The following SLC12A7 variants were observed in gnomAD, a reference collection of about 807,000 sequenced individuals.
SLC12A7 encodes K-Cl cotransporter 4.
Under a neutral mutation model 120.6 loss-of-function variants are expected in SLC12A7, and 100 were observed. That is an observed-to-expected ratio of 0.83 (90% CI 0.71 to 0.98). The LOEUF is 0.98. Ranked by LOEUF, SLC12A7 falls within the 50% of genes least tolerant of loss-of-function variation. The pLI is 0.00. For synonymous variants in SLC12A7, 760 were observed against 678.0 expected (o/e 1.12, Z -1.88); for missense variants, 1,373 against 1,548.1 (o/e 0.89, Z 1.90).
At chr5:1,078,932 G>A (rs752623389) in intron 10 of SLC12A7, among the ~76,000 whole-genome samples, 174 bp from the exon 11 acceptor site, 6 of 152,092 alleles carry the variant, frequency 3.9e-5, no homozygotes, top group African/African-American at 7.2e-5. Context: ...CCTGTCCCCC[G>A]TGTCCTCAGC....
At chr5:1,120,854 G>A in the SLC12A7 span, among the ~76,000 whole-genome samples, 4 of 152,224 alleles carry the variant, frequency 2.6e-5, no homozygotes, top group Non-Finnish European at 5.9e-5. Context: ...CAGCACAGAC[G>A]GCAGTCCCTG....
intron 20 of SLC12A7, among the ~76,000 whole-genome samples, chr5:1,061,796 AAAG>A (rs140638857): frequency 0.4 from 56,973 of 143,038 alleles, 11,851 homozygotes; most frequent in Non-Finnish European, 0.49. Flanking sequence ...CTAAAAATAC[AAAG>A]AAAAAAAAAA....
At chr5:1,130,976 G>A in the SLC12A7 span, among the ~76,000 whole-genome samples, 1 of 152,156 alleles carries the variant, frequency 6.6e-6, no homozygotes, top group Non-Finnish European at 1.5e-5. Context: ...GAGGGCTGCT[G>A]GGGGCCCACC....
At chr5:1,125,099 A>C in the SLC12A7 span, among the ~76,000 whole-genome samples, 2 of 152,096 alleles carry the variant, frequency 1.3e-5, no homozygotes, top group African/African-American at 4.8e-5. Flanking sequence ...CCCGGCCCCT[A>C]CTCCACACCA....
In SLC12A7 at chr5:1,087,327, A is replaced by T. The variant is rs192458967; in HGVS notation, c.545-294T>A. Among the ~76,000 whole-genome samples, 3 of 152,182 alleles carry T rather than the reference A, an allele frequency of 2.0e-5. No individual in the cohort carries two copies. The East Asian group carries it at 5.8e-4, about 29-fold the overall frequency. On this transcript the variant is annotated intron_variant, in intron 5 of 23. Transcript: ENST00000264930. ...GGAGGCCCCAGCAGGTCCCAGAAAA[A>T]GTCCCGCGTACATCAGTGGCAGCCC...
chr5:1,076,111 C>T (rs904997886), intron 14 of SLC12A7, 27 bp downstream of exon 14: 3 of 1,579,916 alleles, frequency 1.9e-6, no homozygotes, highest in Non-Finnish European at 2.6e-6. Context: ...CTGTGGGGCT[C>T]CTCACGCCCG....
At chr5:1,090,347 G>C (rs1335813035) in intron 3 of SLC12A7, among the ~76,000 whole-genome samples, 1 of 152,226 alleles carries the variant, frequency 6.6e-6, no homozygotes, top group East Asian at 1.9e-4. Context: ...CCCTGGATCT[G>C]AGAGCCTGGG....
At chr5:1,101,244 G>A (rs939264175) in intron 1 of SLC12A7, among the ~76,000 whole-genome samples, 11 of 152,192 alleles carry the variant, frequency 7.2e-5, no homozygotes, top group African/African-American at 2.7e-4. Flanking sequence ...ACCGGTGCCC[G>A]TCCCTCCAGG....
intron 3 of SLC12A7, among the ~76,000 whole-genome samples, chr5:1,092,612 A>AG (rs945348238): frequency 1.3e-5 from 2 of 152,096 alleles, no homozygotes; most frequent in Non-Finnish European, 2.9e-5. Context: ...CTGCCGAAGG[A>AG]GGGGGGCACA....
At chr5:1,057,058 T>G (rs1005558883) in intron 22 of SLC12A7, among the ~76,000 whole-genome samples, 3 of 152,172 alleles carry the variant, frequency 2.0e-5, no homozygotes, top group Non-Finnish European at 4.4e-5. Context: ...AGGGCTGACT[T>G]CAGGGCTGGC....
intron 1 of SLC12A7, among the ~76,000 whole-genome samples, chr5:1,100,371 G>A (rs2150897768): frequency 6.6e-6 from 1 of 152,352 alleles, no homozygotes; most frequent in Non-Finnish European, 1.5e-5. Context: ...TGGCCCCTGG[G>A]CCACCCGCAG....
intron 14 of SLC12A7, 130 bp from the exon 15 acceptor site, chr5:1,075,620 C>T: frequency 7.3e-7 from 1 of 1,362,830 alleles, no homozygotes; most frequent in Non-Finnish European, 9.8e-7. Context: ...GTCACTGACG[C>T]CTGACGACCA....
At chr5:1,091,757 C>T (rs1740535999) in intron 3 of SLC12A7, among the ~76,000 whole-genome samples, 1 of 151,388 alleles carries the variant, frequency 6.6e-6, no homozygotes, top group Non-Finnish European at 1.5e-5. Flanking sequence ...CCCAGTTCCG[C>T]AGCGTCCACG....
chr5:1,076,317 T>C, intron 13 of SLC12A7, 81 bp from the exon 14 acceptor site: 1 of 1,127,902 alleles, frequency 8.9e-7, no homozygotes, highest in Non-Finnish European at 1.3e-6. Flanking sequence ...AGACCACCCT[T>C]GTCACTGTCC....
chr5:1,079,342 G>A, intron 10 of SLC12A7, 56 bp downstream of exon 10: 2 of 1,389,994 alleles, frequency 1.4e-6, no homozygotes, highest in East Asian at 4.6e-5. Flanking sequence ...GGGAGGGCAT[G>A]GGGGCCTCCC....
intron 1 of SLC12A7, among the ~76,000 whole-genome samples, chr5:1,102,647 A>T (rs1742131692): frequency 6.6e-6 from 1 of 152,178 alleles, no homozygotes; most frequent in Admixed American, 6.5e-5. Flanking sequence ...CTGTGCACAC[A>T]GAGAGGCGCC....
intron 1 of SLC12A7, 58 bp downstream of exon 1, chr5:1,111,810 G>C (rs2150915615): frequency 8.4e-7 from 1 of 1,190,082 alleles, no homozygotes; most frequent in East Asian, 3.6e-5. Context: ...CGGATGCCGG[G>C]CCCAGACCCG....
intron 3 of SLC12A7, among the ~76,000 whole-genome samples, chr5:1,092,372 C>T (rs1478851903): frequency 6.6e-6 from 1 of 152,168 alleles, no homozygotes; most frequent in Non-Finnish European, 1.5e-5. Context: ...GACGGACGCC[C>T]CACTTGGTGG....
intron 1 of SLC12A7, among the ~76,000 whole-genome samples, chr5:1,095,013 A>AGGCCGGGGGCC (rs1236628456): frequency 1.6e-5 from 1 of 61,372 alleles, no homozygotes; most frequent in Non-Finnish European, 2.8e-5. Context: ...GGTCGGTAGG[A>AGGCCGGGGGCC]GGTGGGGGCG....
Sources: gnomAD v4.1 joint callset for allele counts (sites outside exome capture counted in the v4.1 genomes callset) on GRCh38, gnomAD v4.1.1 for gene constraint, MANE v1.5 for transcripts, NCBI Gene and HGNC (gene_info 2026-07-23, HGNC 2026-07-21) for gene names.